The following MTA3 variants were observed in gnomAD, a reference collection of about 807,000 sequenced individuals.
The protein encoded by MTA3 is metastasis associated 1 family member 3, also known as metastasis-associated protein MTA3.
A neutral mutation model predicts 83.5 loss-of-function variants in MTA3; 34 were observed. That is an observed-to-expected ratio of 0.41 (90% CI 0.31 to 0.54). The LOEUF is 0.54. Among genes scored for constraint, MTA3 ranks in the 20% least tolerant of loss-of-function variants. The probability of loss-of-function intolerance (pLI) is 0.33; values close to 1 mark genes in which losing one functional copy is unlikely to be tolerated. For missense variants in MTA3, 761 were observed against 726.4 expected (o/e 1.05, Z -0.55); for synonymous variants, 303 against 252.7 (o/e 1.20, Z -1.89).
chr2:42,682,527 A>G lies in MTA3; in HGVS notation c.829A>G (p.Ser277Gly). 1.2e-6 allele frequency: 2 copies of G among 1,613,000 alleles called. No homozygotes were observed. The highest frequency in any genetic ancestry group is 1.1e-5 in the South Asian group (1 of 90,748). ...GGAGGAATGGTCAGCCTCTGAAGCTAGCTTATTTGAAGAGGCACTGGAAAA... is the reference window on the plus strand; with the variant it reads ...GGAGGAATGGTCAGCCTCTGAAGCTGGCTTATTTGAAGAGGCACTGGAAAA... ...EMEEWSASEA[S>G]LFEEALEKYG... is the part of the protein sequence containing the mutation. Residue 277 changes from serine to glycine, a missense_variant, in exon 9 of 17, where the codon AGC (serine) becomes GGC (glycine). Ser to Gly is a moderately conservative substitution (Grantham distance 56, BLOSUM62 0). Transcript: ENST00000405094.
intron 2 of MTA3, among the ~76,000 whole-genome samples, chr2:42,508,583 T>C (rs928780496): frequency 6.6e-6 from 1 of 151,822 alleles, no homozygotes; most frequent in African/African-American, 2.4e-5. Flanking sequence ...TCCTCCCGCC[T>C]CAGGCTCCCA....
At chr2:42,677,897 T>G (rs1691529398) in intron 8 of MTA3, among the ~76,000 whole-genome samples, 1 of 152,190 alleles carries the variant, frequency 6.6e-6, no homozygotes, top group African/African-American at 2.4e-5. Context: ...ACAAATATCT[T>G]ACTGTACTAT....
chr2:42,735,281 C>T (rs542539180), intron 16 of MTA3, among the ~76,000 whole-genome samples: 5 of 152,194 alleles, frequency 3.3e-5, no homozygotes, highest in East Asian at 1.9e-4. Flanking sequence ...TTAAATATAT[C>T]GTGACACTCT....
chr2:42,544,455 AAAAAAC>A (rs1009257615), intron 2 of MTA3, among the ~76,000 whole-genome samples: 6 of 151,834 alleles, frequency 4.0e-5, no homozygotes, highest in African/African-American at 1.2e-4. Flanking sequence ...CCATCTCAAA[AAAAAAC>A]AAAAACAAAA....
At chr2:42,566,170 A>G (rs1027120598), upstream of MTA3, among the ~76,000 whole-genome samples, 2 of 152,158 alleles carry the variant, frequency 1.3e-5, no homozygotes, top group Admixed American at 6.5e-5. Flanking sequence ...GTTGATGACA[A>G]GTTTGTGGTC....
chr2:42,573,019 C>T (rs1283465591), intron 2 of MTA3, among the ~76,000 whole-genome samples: 2 of 152,124 alleles, frequency 1.3e-5, no homozygotes, highest in African/African-American at 2.4e-5. Context: ...TGGGCCACTG[C>T]GCCTGGCCAG....
At chr2:42,631,924 A>T (rs890351441) in intron 4 of MTA3, among the ~76,000 whole-genome samples, 1 of 152,060 alleles carries the variant, frequency 6.6e-6, no homozygotes. Context: ...TCCTGACCTC[A>T]GGTGACCCAC....
intron 4 of MTA3, among the ~76,000 whole-genome samples, chr2:42,619,675 A>G (rs1685311192): frequency 6.6e-6 from 1 of 152,362 alleles, no homozygotes; most frequent in East Asian, 1.9e-4. Flanking sequence ...GATTCAAAAA[A>G]AGGGAAGGAC....
At chr2:42,502,464 C>A (rs772984528) in intron 2 of MTA3, among the ~76,000 whole-genome samples, 1 of 152,058 alleles carries the variant, frequency 6.6e-6, no homozygotes, top group Non-Finnish European at 1.5e-5. Flanking sequence ...AAATAACATG[C>A]CATGATTCTA....
chr2:42,707,461 A>G (rs931482241), intron 12 of MTA3, among the ~76,000 whole-genome samples: 1 of 151,970 alleles, frequency 6.6e-6, no homozygotes, highest in African/African-American at 2.4e-5. Flanking sequence ...GTTAGCCAGG[A>G]TGGTCTTGAT....
intron 4 of MTA3, among the ~76,000 whole-genome samples, chr2:42,625,208 T>C (rs907039993): frequency 6.6e-6 from 1 of 151,658 alleles, no homozygotes; most frequent in Non-Finnish European, 1.5e-5. Flanking sequence ...ATTTTTGTAT[T>C]TTTAGTAGAG....
intron 2 of MTA3, among the ~76,000 whole-genome samples, chr2:42,563,413 C>T (rs187736233): frequency 1.3e-5 from 2 of 152,278 alleles, no homozygotes; most frequent in African/African-American, 2.4e-5. Context: ...AGGTGATTCG[C>T]CTGCCTTAGC....
intron 3 of MTA3, among the ~76,000 whole-genome samples, chr2:42,589,526 G>C (rs1047296814): frequency 1.3e-5 from 2 of 152,036 alleles, no homozygotes; most frequent in Non-Finnish European, 2.9e-5. Context: ...AATGAGTACT[G>C]TACATCTGTA....
intron 2 of MTA3, among the ~76,000 whole-genome samples, chr2:42,513,022 A>G (rs1348628124): frequency 6.6e-6 from 1 of 152,152 alleles, no homozygotes; most frequent in Non-Finnish European, 1.5e-5. Context: ...TCTACAGATA[A>G]TTTTGCCACT....
At chr2:42,571,837 C>G (rs1040726136) in intron 2 of MTA3, among the ~76,000 whole-genome samples, 1 of 151,800 alleles carries the variant, frequency 6.6e-6, no homozygotes, top group Admixed American at 6.6e-5. Flanking sequence ...ATCCCAGCCA[C>G]TTGGGAGGCT....
chr2:42,754,575 C>A lies in MTA3; in HGVS notation c.*1176C>A. On this transcript the variant is annotated 3_prime_UTR_variant, in exon 17 of 17. Coordinates refer to ENST00000405094, the MANE Select transcript of MTA3 (RefSeq NM_001330442.2). ...CTGCAAGGATAGGAATAGCTCAGCGCCCGATGAGCTCCCTGAGCAGATGTG... is the reference window on the plus strand; with the variant it reads ...CTGCAAGGATAGGAATAGCTCAGCGACCGATGAGCTCCCTGAGCAGATGTG... 2.0e-6 allele frequency: 2 copies of A among 985,478 alleles called. No individual in the cohort carries two copies. The highest frequency in any genetic ancestry group is 2.4e-6 in the Non-Finnish European group (2 of 829,968). 61.0% of individuals were successfully genotyped at this position (985,478 alleles called of 1,614,324 possible).
intron 3 of MTA3, among the ~76,000 whole-genome samples, chr2:42,606,185 C>G (rs1187714872): frequency 3.2e-5 from 2 of 62,834 alleles, no homozygotes; most frequent in Non-Finnish European, 5.8e-5. Context: ...GGCGGCTGGC[C>G]GGGCGGGGGG....
rs766545965 is a variant in MTA3 at position 42,707,886 on chromosome 2, T to A, written c.1151-17T>A. 6.6e-7 allele frequency: 1 copy of A among 1,504,692 alleles called. No homozygotes were observed. Among genetic ancestry groups the A allele is most frequent in the South Asian group, 1.3e-5 (1 of 74,244 alleles). 93.2% of individuals were successfully genotyped at this position (1,504,692 alleles called of 1,614,324 possible). On this transcript the variant is annotated splice_polypyrimidine_tract_variant and intron_variant, in intron 12 of 16. Transcript: ENST00000405094. Reference sequence around the variant, plus strand: ...AAATAGCATTTTTCGTTTTTTCTTATTTTTCTTCTGCTTTAGCTACACAGT... The same window carrying A: ...AAATAGCATTTTTCGTTTTTTCTTAATTTTCTTCTGCTTTAGCTACACAGT...
chr2:42,610,845 A>G (rs2104095515), intron 4 of MTA3, among the ~76,000 whole-genome samples: 1 of 151,606 alleles, frequency 6.6e-6, no homozygotes, highest in East Asian at 1.9e-4. Flanking sequence ...GCAGTGTTTC[A>G]CTCCTCTTAG....
Sources: allele counts gnomAD v4.1 joint callset (sites outside exome capture counted in the v4.1 genomes callset), GRCh38; gene constraint gnomAD v4.1.1; transcripts MANE v1.5; gene names NCBI Gene and HGNC (gene_info 2026-07-23, HGNC 2026-07-21).